The following INPP5D variants were observed in gnomAD, a reference collection of about 807,000 sequenced individuals.
INPP5D encodes the protein inositol polyphosphate-5-phosphatase D, also known as phosphatidylinositol 3,4,5-trisphosphate 5-phosphatase 1.
Under a neutral mutation model 122.9 loss-of-function variants are expected in INPP5D, and 33 were observed. The observed-to-expected ratio is 0.27, with a 90% CI of 0.20 to 0.36. INPP5D has a LOEUF of 0.36. Among genes scored for constraint, INPP5D ranks in the 10% least tolerant of loss-of-function variants. INPP5D has a pLI of 1.00. For missense variants in INPP5D, 1,053 were observed against 1,412.7 expected (o/e 0.75, Z 4.08); for synonymous variants, 584 against 576.2 (o/e 1.01, Z -0.19).
At chr2:233,080,889 C>T (rs182775633) in intron 2 of INPP5D, among the ~76,000 whole-genome samples, 113 of 152,290 alleles carry the variant, frequency 7.4e-4, no homozygotes, top group Admixed American at 2.7e-3. Flanking sequence ...GCCCAAGGGG[C>T]ATGTGTGATG....
chr2:233,156,295 T>A (rs976989077), intron 9 of INPP5D, among the ~76,000 whole-genome samples: 1 of 151,770 alleles, frequency 6.6e-6, no homozygotes, highest in Non-Finnish European at 1.5e-5. Context: ...TCACACTTCC[T>A]TCTTTTTTTA....
intron 2 of INPP5D, among the ~76,000 whole-genome samples, chr2:233,110,428 G>A (rs2106242775): frequency 6.6e-6 from 1 of 151,868 alleles, no homozygotes; most frequent in South Asian, 2.1e-4. Context: ...TCTAACTCCT[G>A]GGCTCGAGCG....
intron 5 of INPP5D, among the ~76,000 whole-genome samples, chr2:233,137,853 A>AT (rs1693518219): frequency 3.6e-5 from 1 of 27,726 alleles, no homozygotes; most frequent in Non-Finnish European, 6.5e-5. Context: ...AAAAAAAAAA[A>AT]ATATATATAT....
chr2:233,117,627 G>C (rs1222042638), intron 2 of INPP5D, among the ~76,000 whole-genome samples: 4 of 152,084 alleles, frequency 2.6e-5, no homozygotes, highest in Non-Finnish European at 4.4e-5. Flanking sequence ...GTTCGGGGGG[G>C]CTGTACTGCC....
chr2:233,153,125 C>T (rs1457168560), intron 9 of INPP5D, among the ~76,000 whole-genome samples: 3 of 152,096 alleles, frequency 2.0e-5, no homozygotes, highest in Non-Finnish European at 4.4e-5. Context: ...TTTCACTGGG[C>T]GTGGGGAAGG....
chr2:233,200,961 AAAATAAATAAATAAATAAATAAAT>A (rs150813540), intron 25 of INPP5D, among the ~76,000 whole-genome samples: 31,168 of 141,762 alleles, frequency 0.22, 3,528 homozygotes, highest in East Asian at 0.44. Flanking sequence ...ACTCCATCTC[AAAATAAATAAATAAATAAATAAAT>A]AAATAAATAA....
chr2:233,167,897 C>T (rs1180923442), intron 13 of INPP5D, among the ~76,000 whole-genome samples: 1 of 150,308 alleles, frequency 6.7e-6, no homozygotes, highest in Non-Finnish European at 1.5e-5. Context: ...CCCAGCTACT[C>T]CTGAGGCAGA....
At chr2:233,120,029 G>A (rs1692924204) in intron 2 of INPP5D, among the ~76,000 whole-genome samples, 1 of 152,222 alleles carries the variant, frequency 6.6e-6, no homozygotes, top group Admixed American at 6.5e-5. Flanking sequence ...ACCAACCAGG[G>A]TGGGCTTTTC....
At chr2:233,098,659 C>G (rs543370457) in intron 2 of INPP5D, among the ~76,000 whole-genome samples, 4 of 152,190 alleles carry the variant, frequency 2.6e-5, no homozygotes, top group Non-Finnish European at 5.9e-5. Context: ...TTACTTCAGC[C>G]ATTCCGCACG....
chr2:233,129,706 C>G (rs370649490), intron 4 of INPP5D, among the ~76,000 whole-genome samples: 2 of 152,230 alleles, frequency 1.3e-5, no homozygotes, highest in East Asian at 3.8e-4. Flanking sequence ...TGAATCCAGA[C>G]TCTCTGAACA....
chr2:233,085,262 C>T (rs993707130), intron 2 of INPP5D, among the ~76,000 whole-genome samples: 2 of 151,828 alleles, frequency 1.3e-5, no homozygotes, highest in South Asian at 2.1e-4. Flanking sequence ...GGTGCATGCC[C>T]GTAGTCACAG....
rs966394966 is a variant in INPP5D, at chr2:233,112,184, G to A, written c.199-9923G>A. ...TCATTACTATGATGATTGCCAAATG[G>A]TGACTGTTTTTGTTGTCGCTTCGAC... On this transcript the variant is annotated intron_variant, in intron 2 of 26. Transcript: ENST00000445964. Among the ~76,000 whole-genome samples, 3 of 152,282 alleles carry A rather than the reference G, an allele frequency of 2.0e-5. No homozygotes were observed. The East Asian group carries it at 5.8e-4, about 29-fold the overall frequency.
Position 233,161,691 on chromosome 2 carries a change from C to G in INPP5D, c.1138-33C>G, listed in dbSNP as rs553129476. 6 of 1,593,506 alleles carry G rather than the reference C, an allele frequency of 3.8e-6. No homozygotes were observed. The African/African-American group carries it at 6.7e-5, about 18-fold the overall frequency. On this transcript the variant is annotated intron_variant, in intron 10 of 26. Coordinates refer to ENST00000445964, the MANE Select transcript of INPP5D (RefSeq NM_001017915.3). The stretch of plus-strand genomic sequence containing the variant: ...AGTGTAATGTGCAGGGAGGCAGAGG[C>G]CTTTCTAAGTCTGTCTGCCCTTCCA...
chr2:233,076,025 A>C (rs1327232016), intron 1 of INPP5D, among the ~76,000 whole-genome samples: 1 of 152,166 alleles, frequency 6.6e-6, no homozygotes, highest in Admixed American at 6.5e-5. Flanking sequence ...TGTCTGCCAC[A>C]CTTGATTGAA....
chr2:233,167,207 CAAA>C (rs565735597), intron 13 of INPP5D, among the ~76,000 whole-genome samples: 10 of 102,150 alleles, frequency 9.8e-5, no homozygotes, highest in African/African-American at 8.5e-5. Context: ...ACCATTTCTA[CAAA>C]AAAAAAAAAA....
chr2:233,104,006 C>CT (rs5839471), intron 2 of INPP5D, among the ~76,000 whole-genome samples: 6,787 of 81,848 alleles, frequency 0.083, 781 homozygotes, highest in Non-Finnish European at 0.097. Context: ...TGTGCCCTGC[C>CT]TTTTTTTTTT....
chr2:233,071,274 G>C (rs1342143916), intron 1 of INPP5D, among the ~76,000 whole-genome samples: 2 of 151,784 alleles, frequency 1.3e-5, no homozygotes, highest in African/African-American at 4.8e-5. Context: ...TTGGGCCACA[G>C]AGTGAGTCTC....
intron 2 of INPP5D, among the ~76,000 whole-genome samples, chr2:233,106,774 T>C (rs1692478980): frequency 6.6e-6 from 1 of 152,194 alleles, no homozygotes; most frequent in Non-Finnish European, 1.5e-5. Flanking sequence ...CCTGGATTCT[T>C]AATTGTGGAC....
At chr2:233,153,071 C>T (rs577085530) in intron 9 of INPP5D, among the ~76,000 whole-genome samples, 1 of 152,130 alleles carries the variant, frequency 6.6e-6, no homozygotes, top group African/African-American at 2.4e-5. Context: ...ACCTGCTGAT[C>T]GATACCATGT....
Sources: allele counts gnomAD v4.1 joint callset (sites outside exome capture counted in the v4.1 genomes callset), GRCh38; gene constraint gnomAD v4.1.1; transcripts MANE v1.5; gene names NCBI Gene and HGNC (gene_info 2026-07-23, HGNC 2026-07-21).